The following ADGRV1 variants were observed in gnomAD, a reference collection of about 807,000 sequenced individuals.
ADGRV1 encodes the protein G-protein coupled receptor 98.
A neutral mutation model predicts 596.2 loss-of-function variants in ADGRV1; 359 were observed. The observed-to-expected ratio is 0.60, with a 90% CI of 0.55 to 0.66. The LOEUF is 0.66. Among genes scored for constraint, ADGRV1 ranks in the 30% least tolerant of loss-of-function variants. ADGRV1 has a pLI of 0.00. For missense variants in ADGRV1, 7,274 were observed against 7,575.6 expected, an observed-to-expected ratio of 0.96 and a Z score of 1.48; for synonymous variants, 2,681 against 2,679.2, an observed-to-expected ratio of 1.00 and a Z score of -0.02.
chr5:90,595,697 G>T lies in ADGRV1; in HGVS notation c.23-19138G>T, dbSNP rs1297616367. Among the ~76,000 whole-genome samples, 6 of 135,168 alleles carry T rather than the reference G, an allele frequency of 4.4e-5. No individual in the cohort carries two copies. The East Asian group carries it at 1.1e-3, about 26-fold the overall frequency. The allele number at this position is 135,168 out of a possible 152,430, so 88.7% of individuals were successfully genotyped here. A position where few individuals can be genotyped will look rare whatever the true frequency, so the allele number is the denominator to read the frequency against. On this transcript the variant is annotated intron_variant, in intron 1 of 89. Transcript: ENST00000405460. ...CACCTCCCTCCCGGACGGGGCGGCTGGCCAGGCAGAGGGGCTCCTCACTTC... is the reference window on the plus strand; with the variant it reads ...CACCTCCCTCCCGGACGGGGCGGCTTGCCAGGCAGAGGGGCTCCTCACTTC...
intron 86 of ADGRV1, among the ~76,000 whole-genome samples, chr5:91,074,472 C>A (rs545191662): frequency 6.6e-6 from 1 of 152,162 alleles, no homozygotes; most frequent in Non-Finnish European, 1.5e-5. Context: ...TAACAGCCTC[C>A]AGCTCCATCT....
At chr5:91,117,777 A>G (rs960712801) in intron 87 of ADGRV1, among the ~76,000 whole-genome samples, 1 of 152,194 alleles carries the variant, frequency 6.6e-6, no homozygotes, top group Non-Finnish European at 1.5e-5. Context: ...GATACTGACA[A>G]TAATTCCCTA....
rs986003227 is a variant in ADGRV1 at position 90,737,083 on chromosome 5, C to T, written c.10549+7319C>T. ...GATTTTATTTCTTTTTCAATACAGG[C>T]GTTTATTGCTGTAAATTTTCCTTTT... On this transcript the variant is annotated intron_variant, in intron 50 of 89. Coordinates refer to ENST00000405460, the MANE Select transcript of ADGRV1 (RefSeq NM_032119.4). Among the ~76,000 whole-genome samples, 12 of 151,710 alleles carry T rather than the reference C, an allele frequency of 7.9e-5. No individual in the cohort carries two copies. In the East Asian group the frequency reaches 9.6e-4, roughly 12 times the overall value.
intron 52 of ADGRV1, among the ~76,000 whole-genome samples, chr5:90,749,595 A>C (rs1755019565): frequency 6.6e-6 from 1 of 152,222 alleles, no homozygotes; most frequent in Non-Finnish European, 1.5e-5. Flanking sequence ...TTAAGAAATT[A>C]ATGGGGGAAT....
rs760885944 is a variant in ADGRV1, at chr5:90,706,349, A to C, written c.8685A>C (p.Leu2895Phe). 4 of 1,612,630 alleles carry C rather than the reference A, an allele frequency of 2.5e-6. No homozygotes were observed. The South Asian group carries it at 4.4e-5, about 18-fold the overall frequency. ...DFVPIIGFLI[L>F]EEGETAAAIN... Reference sequence around the variant, plus strand: ...TCCCTATCATTGGCTTTCTGATTTTAGAAGAAGGGGAAACAGCAGCAGCCA... The same window carrying C: ...TCCCTATCATTGGCTTTCTGATTTTCGAAGAAGGGGAAACAGCAGCAGCCA... Residue 2895 changes from leucine (L) to phenylalanine (F), a missense_variant, in exon 38 of 90, where the codon TTA becomes TTC. This residue lies in a region of ADGRV1 where 3,643 missense variants were observed against 3,809.2 expected (regional missense o/e 0.96). Coordinates refer to ENST00000405460, the MANE Select transcript of ADGRV1 (RefSeq NM_032119.4).
chr5:90,603,037 T>G (rs1162456968), intron 1 of ADGRV1, among the ~76,000 whole-genome samples: 5 of 152,122 alleles, frequency 3.3e-5, no homozygotes, highest in Non-Finnish European at 5.9e-5. Context: ...AAATACAAAC[T>G]TTTTTTTCTA....
intron 29 of ADGRV1, among the ~76,000 whole-genome samples, chr5:90,687,650 C>T (rs1202216929): frequency 2.6e-5 from 4 of 152,080 alleles, no homozygotes; most frequent in Non-Finnish European, 4.4e-5. Flanking sequence ...CTAGAAAATC[C>T]CATTGTCTCA....
chr5:91,120,025 A>C (rs953225615), intron 87 of ADGRV1, among the ~76,000 whole-genome samples: 1 of 152,212 alleles, frequency 6.6e-6, no homozygotes, highest in Non-Finnish European at 1.5e-5. Flanking sequence ...GAGACTAGTA[A>C]GAACAAAATC....
intron 83 of ADGRV1, among the ~76,000 whole-genome samples, chr5:90,884,292 T>C (rs1440037170): frequency 1.3e-5 from 2 of 152,144 alleles, no homozygotes; most frequent in East Asian, 3.9e-4. Context: ...AAACGTCCCC[T>C]GGAAGCCACA....
chr5:90,706,983 G>A (rs1339209075), intron 38 of ADGRV1, among the ~76,000 whole-genome samples: 1 of 151,852 alleles, frequency 6.6e-6, no homozygotes, highest in Non-Finnish European at 1.5e-5. Flanking sequence ...TTTTCTTAGG[G>A]CAGTCACCTT....
At chr5:90,659,420 G>T (rs564616041) in intron 21 of ADGRV1, among the ~76,000 whole-genome samples, 4 of 152,310 alleles carry the variant, frequency 2.6e-5, no homozygotes, top group Middle Eastern at 3.4e-3. Context: ...TGTATAATAT[G>T]TGTCAACATT....
intron 83 of ADGRV1, chr5:90,931,197 A>C (rs560045837): frequency 3.3e-5 from 5 of 152,392 alleles, no homozygotes; most frequent in Admixed American, 2.0e-4. Flanking sequence ...AAAGAGAATG[A>C]AACAGCAGTT....
intron 59 of ADGRV1, among the ~76,000 whole-genome samples, chr5:90,773,055 G>C (rs1416565105): frequency 6.6e-6 from 1 of 152,018 alleles, no homozygotes; most frequent in Non-Finnish European, 1.5e-5. Context: ...TGTAATCCTA[G>C]CTATTCGGGA....
At chr5:90,869,036 T>A (rs1768412595) in intron 83 of ADGRV1, among the ~76,000 whole-genome samples, 1 of 152,092 alleles carries the variant, frequency 6.6e-6, no homozygotes, top group Non-Finnish European at 1.5e-5. Context: ...GCAAGATGCA[T>A]ACATGCACAC....
At chr5:90,815,910 C>T (rs1186893344) in intron 75 of ADGRV1, among the ~76,000 whole-genome samples, 174 bp downstream of exon 75, 1 of 152,134 alleles carries the variant, frequency 6.6e-6, no homozygotes, top group African/African-American at 2.4e-5. Flanking sequence ...CGTTTATGAT[C>T]ATAACTTAGG....
At chr5:90,799,281 TAACA>T (rs1439312100) in intron 70 of ADGRV1, among the ~76,000 whole-genome samples, 11 of 152,002 alleles carry the variant, frequency 7.2e-5, no homozygotes, top group Non-Finnish European at 5.9e-5. Flanking sequence ...TATACACCAA[TAACA>T]AACAAACAGA....
At chr5:90,953,962 C>G (rs922210130) in intron 83 of ADGRV1, among the ~76,000 whole-genome samples, 1 of 151,936 alleles carries the variant, frequency 6.6e-6, no homozygotes, top group Non-Finnish European at 1.5e-5. Context: ...CAAATTTATG[C>G]TATACTCCTT....
intron 85 of ADGRV1, among the ~76,000 whole-genome samples, chr5:91,036,993 C>A (rs1235327081): frequency 6.6e-6 from 1 of 152,130 alleles, no homozygotes; most frequent in South Asian, 2.1e-4. Flanking sequence ...AGTTAGCCTG[C>A]CACAGTTTCA....
chr5:90,615,234 A>T (rs778840327), intron 2 of ADGRV1, among the ~76,000 whole-genome samples: 4 of 151,938 alleles, frequency 2.6e-5, no homozygotes, highest in Non-Finnish European at 5.9e-5. Flanking sequence ...ATTTTTAAAG[A>T]TATAGACTGA....
Sources: allele counts gnomAD v4.1 joint callset (sites outside exome capture counted in the v4.1 genomes callset), GRCh38; gene constraint gnomAD v4.1.1; regional missense constraint gnomAD v4.1.1; transcripts MANE v1.5; gene names NCBI Gene and HGNC (gene_info 2026-07-23, HGNC 2026-07-21).